The following TNRC6A variants were observed in gnomAD, a reference collection of about 807,000 sequenced individuals.
TNRC6A encodes trinucleotide repeat containing adaptor 6A.
A neutral mutation model predicts 221.2 loss-of-function variants in TNRC6A; 44 were observed. That is an observed-to-expected ratio of 0.20 (90% CI 0.16 to 0.26). The LOEUF (loss-of-function observed/expected upper bound fraction) is 0.26, where lower values mean the gene tolerates loss of function less well. Among genes scored for constraint, TNRC6A ranks in the 10% least tolerant of loss-of-function variants. TNRC6A has a pLI of 1.00. For synonymous variants in TNRC6A, 847 were observed against 838.5 expected (o/e 1.01, Z -0.18); for missense variants, 2,199 against 2,404.4 (o/e 0.91, Z 1.79).
At chr16:24,812,507 A>G (rs75163478) in intron 18 of TNRC6A, among the ~76,000 whole-genome samples, 86 of 152,318 alleles carry the variant, frequency 5.6e-4, no homozygotes, top group African/African-American at 1.9e-3. Context: ...TCAGTAAACA[A>G]TGGGCCATAT....
intron 5 of TNRC6A, among the ~76,000 whole-genome samples, chr16:24,781,375 T>C (rs1231346817): frequency 6.6e-6 from 1 of 152,138 alleles, no homozygotes; most frequent in Non-Finnish European, 1.5e-5. Flanking sequence ...CCATACTCTT[T>C]TGAGGCTATT....
At chr16:24,736,396 G>T (rs898183119) in intron 2 of TNRC6A, among the ~76,000 whole-genome samples, 1 of 151,978 alleles carries the variant, frequency 6.6e-6, no homozygotes, top group Non-Finnish European at 1.5e-5. Context: ...AATTCTGTCT[G>T]GTCCCTATTC....
intron 5 of TNRC6A, among the ~76,000 whole-genome samples, chr16:24,787,042 A>T (rs6497757): frequency 6.6e-6 from 1 of 152,066 alleles, no homozygotes; most frequent in Non-Finnish European, 1.5e-5. Context: ...GGATCTTGCC[A>T]TGGTCACACA....
chr16:24,762,394 A>G (rs1371381515), intron 4 of TNRC6A, among the ~76,000 whole-genome samples: 1 of 152,232 alleles, frequency 6.6e-6, no homozygotes, highest in Non-Finnish European at 1.5e-5. Context: ...AGCACCTTCT[A>G]TGTGCCAGGC....
intron 1 of TNRC6A, among the ~76,000 whole-genome samples, chr16:24,625,843 C>A (rs1257436857): frequency 6.6e-6 from 1 of 151,420 alleles, no homozygotes. Context: ...ACCTAGGAGG[C>A]GGAAGTTGCA....
At chr16:24,702,442 T>C (rs1410134016) in intron 2 of TNRC6A, among the ~76,000 whole-genome samples, 1 of 152,040 alleles carries the variant, frequency 6.6e-6, no homozygotes, top group Non-Finnish European at 1.5e-5. Flanking sequence ...CCTCCCAAAG[T>C]GCTAGGATTA....
intron 2 of TNRC6A, among the ~76,000 whole-genome samples, chr16:24,686,432 G>A (rs1596492499): frequency 1.3e-5 from 2 of 152,128 alleles, no homozygotes; most frequent in East Asian, 3.9e-4. Flanking sequence ...CAAGGGTTTT[G>A]TTTCTTCTTG....
intron 2 of TNRC6A, among the ~76,000 whole-genome samples, chr16:24,711,183 T>G (rs1277690960): frequency 6.6e-6 from 1 of 151,630 alleles, no homozygotes; most frequent in South Asian, 2.1e-4. Flanking sequence ...AATTTTTGTG[T>G]TTTTAGTAGA....
At chr16:24,677,185 C>G (rs1405271207) in intron 2 of TNRC6A, among the ~76,000 whole-genome samples, 1 of 143,468 alleles carries the variant, frequency 7.0e-6, no homozygotes, top group Admixed American at 7.2e-5. Flanking sequence ...TTTTCCCTGA[C>G]AGAGTCTCGC....
intron 17 of TNRC6A, among the ~76,000 whole-genome samples, chr16:24,807,119 C>T (rs1372204150): frequency 6.6e-6 from 1 of 151,942 alleles, no homozygotes; most frequent in East Asian, 1.9e-4. Context: ...GATTCTCGCA[C>T]CTCAGCTTCC....
In TNRC6A at chr16:24,804,237, A is replaced by T; in HGVS notation, c.3755A>T (p.Asn1252Ile). 1 of 1,613,866 alleles carries T rather than the reference A, an allele frequency of 6.2e-7. No individual in the cohort carries two copies. Among genetic ancestry groups the T allele is most frequent in the Non-Finnish European group, 8.5e-7 (1 of 1,179,976 alleles). The change falls in exon 12 of 25, where the codon AAT becomes ATT. Residue 1252 changes from asparagine to isoleucine, a missense_variant. By Grantham distance (149) the Asn-to-Ile change is moderately radical. This residue lies in a region of TNRC6A where 158 missense variants were observed against 159.1 expected (regional missense o/e 0.99). Transcript: ENST00000395799. ...DKHSLNIGDY[N>I]RTVGKGPGSR... ...CATAGCCTAAATATTGGTGATTACA[A>T]TCGAACGGTCGGGAAAGGCCCTGGT... is the stretch of plus-strand genomic sequence containing the variant.
chr16:24,716,123 T>C (rs998315576), intron 2 of TNRC6A, among the ~76,000 whole-genome samples: 1 of 151,986 alleles, frequency 6.6e-6, no homozygotes, highest in African/African-American at 2.4e-5. Flanking sequence ...GCTTGGGTTT[T>C]CCCTTCCTGT....
intron 17 of TNRC6A, 71 bp from the exon 18 acceptor site, chr16:24,809,279 T>C (rs2058495854): frequency 2.3e-6 from 3 of 1,332,014 alleles, no homozygotes; most frequent in East Asian, 2.5e-5. Flanking sequence ...TTCTAGGAAA[T>C]AGAAGTTGTG....
chr16:24,729,717 G>A lies in TNRC6A; in HGVS notation c.-125G>A. 2.6e-6 allele frequency: 3 copies of A among 1,141,618 alleles called. No homozygotes were observed. The highest frequency in any genetic ancestry group is 3.4e-6 in the Non-Finnish European group (3 of 889,808). 70.7% of individuals were successfully genotyped at this position (1,141,618 alleles called of 1,614,324 possible). A position where few individuals can be genotyped will look rare whatever the true frequency, so the allele number is the denominator to read the frequency against. On this transcript the variant is annotated 5_prime_UTR_variant, in exon 1 of 25. Transcript: ENST00000395799. ...GGCGGCGGCGGCGGCGGCGGCGGCG[G>A]CAGCGGGTCGGTGTAGAAAATGGCG...
At chr16:24,720,286 C>T (rs1326580000) in intron 2 of TNRC6A, among the ~76,000 whole-genome samples, 1 of 152,146 alleles carries the variant, frequency 6.6e-6, no homozygotes, top group African/African-American at 2.4e-5. Context: ...CCTGTAGTCC[C>T]AGCTACTCAG....
intron 2 of TNRC6A, among the ~76,000 whole-genome samples, chr16:24,668,344 CAAAAAAAAAAGAAAAAGAA>C (rs2055217863): frequency 2.7e-5 from 3 of 112,256 alleles, no homozygotes; most frequent in African/African-American, 1.0e-4. Flanking sequence ...AACTCCATCT[CAAAAAAAAAAGAAAAAGAA>C]AAAAAGAAAA....
intron 18 of TNRC6A, among the ~76,000 whole-genome samples, chr16:24,812,083 C>A (rs961682139): frequency 9.1e-6 from 1 of 109,346 alleles, no homozygotes; most frequent in Admixed American, 1.4e-4. Context: ...GAGTCTCACT[C>A]GGTCACCCAG....
chr16:24,807,205 A>G (rs2058452548), intron 17 of TNRC6A, among the ~76,000 whole-genome samples: 1 of 152,044 alleles, frequency 6.6e-6, no homozygotes, highest in Non-Finnish European at 1.5e-5. Flanking sequence ...GGGTTTCACC[A>G]TGTTGGCCGG....
chr16:24,694,367 T>C (rs1416383009), intron 2 of TNRC6A, among the ~76,000 whole-genome samples: 1 of 152,010 alleles, frequency 6.6e-6, no homozygotes, highest in Non-Finnish European at 1.5e-5. Context: ...ATAAGACTAG[T>C]GAGCCTTGCT....
Sources: gnomAD v4.1 joint callset for allele counts (sites outside exome capture counted in the v4.1 genomes callset) on GRCh38, gnomAD v4.1.1 for gene constraint, gnomAD v4.1.1 regional missense constraint, MANE v1.5 for transcripts, NCBI Gene and HGNC (gene_info 2026-07-23, HGNC 2026-07-21) for gene names.